Variants in BID observed in about 807,000 individuals in gnomAD.
The protein encoded by BID is BH3 interacting domain death agonist.
A neutral mutation model predicts 17.4 loss-of-function variants in BID; 19 were observed. The observed-to-expected ratio is 1.09, with a 90% CI of 0.76 to 1.60. The LOEUF is 1.60. Among genes scored for constraint, BID ranks in the 40% most tolerant of loss-of-function variants. BID has a pLI of 0.00. For missense variants in BID, 226 were observed against 256.0 expected (o/e 0.88, Z 0.80); for synonymous variants, 108 against 102.8 (o/e 1.05, Z -0.31).
Position 17,735,501 on chromosome 22 carries a change from G to A in BID, c.*79C>T. The A allele has an allele frequency of 6.4e-7, 1 of 1,552,922 alleles. No individual in the cohort carries two copies. Among genetic ancestry groups the A allele is most frequent in the South Asian group, 1.1e-5 (1 of 89,392 alleles). On this transcript the variant is annotated 3_prime_UTR_variant, in exon 6 of 6. Transcript: ENST00000622694. Reference sequence around the variant, plus strand: ...TCTAGGAACGCTGTTGACATGCCAGGGCTCCGTCTACACTGGAAGCAGCTA... The same window carrying A: ...TCTAGGAACGCTGTTGACATGCCAGAGCTCCGTCTACACTGGAAGCAGCTA...
chr22:17,755,347 T>C (rs1465774143), intron 1 of BID, among the ~76,000 whole-genome samples: 1 of 152,196 alleles, frequency 6.6e-6, no homozygotes, highest in Non-Finnish European at 1.5e-5. Flanking sequence ...CCCGGAAATG[T>C]GAACACACAT....
chr22:17,739,064 C>T (rs935803550), intron 4 of BID, among the ~76,000 whole-genome samples: 15 of 152,344 alleles, frequency 9.8e-5, no homozygotes, highest in African/African-American at 2.2e-4. Context: ...CCAAAGGAAG[C>T]GTCTGTTTCT....
intron 1 of BID, among the ~76,000 whole-genome samples, chr22:17,765,872 A>C (rs559629305): frequency 9.4e-4 from 143 of 152,348 alleles, no homozygotes; most frequent in African/African-American, 3.3e-3. Context: ...TTTAAAACCC[A>C]AATTATTAGT....
rs8190288 is a variant in BID at position 17,750,043 on chromosome 22, G to T, written c.12+62C>A. ...CTCAGGGATGCGTGGTGGGGGACAC[G>T]CAGGCCCTTACCCCTCGACCCCGCC... On this transcript the variant is annotated intron_variant, in intron 2 of 5. Transcript: ENST00000622694. 921 of 1,512,444 alleles carry T rather than the reference G, an allele frequency of 6.1e-4. 5 individuals carry two copies. In the African/African-American group the frequency reaches 0.011, roughly 18 times the overall value. The allele number at this position is 1,512,444 out of a possible 1,614,324, so 93.7% of individuals were successfully genotyped here. A position where few individuals can be genotyped will look rare whatever the true frequency, so the allele number is the denominator to read the frequency against.
chr22:17,765,969 C>T (rs1348390952), intron 1 of BID, among the ~76,000 whole-genome samples: 13 of 152,176 alleles, frequency 8.5e-5, no homozygotes, highest in African/African-American at 1.2e-4. Flanking sequence ...GGCTCTGTTC[C>T]GCAGGCCGGA....
chr22:17,751,304 G>A (rs1254493243), intron 1 of BID, among the ~76,000 whole-genome samples: 6 of 151,772 alleles, frequency 4.0e-5, no homozygotes, highest in Non-Finnish European at 5.9e-5. Flanking sequence ...CCCGGGAAGC[G>A]GAGCTTGCAG....
intron 3 of BID, 117 bp from the exon 4 acceptor site, chr22:17,739,605 C>A: frequency 7.4e-7 from 1 of 1,347,310 alleles, no homozygotes; most frequent in African/African-American, 1.4e-5. Flanking sequence ...AGGCCAGCCC[C>A]CACTGGGCAC....
chr22:17,742,355 T>G (rs548125503), intron 3 of BID, among the ~76,000 whole-genome samples: 1 of 152,344 alleles, frequency 6.6e-6, no homozygotes, highest in South Asian at 2.1e-4. Context: ...GAGCTGTGCC[T>G]GTCCACTCCT....
At position 17,767,461 on chromosome 22, in the gene BID, A is replaced by C. The variant is rs1390327822; in HGVS notation, c.-59+6920T>G. On this transcript the variant is annotated intron_variant, in intron 1 of 5. Transcript: ENST00000622694. The stretch of plus-strand genomic sequence containing the variant: ...ACAACTTCAGCCCCAGGGCAAGAGT[A>C]AACACAGAAACTGGAAAAGTCCCTG... 6.6e-5 allele frequency among the ~76,000 whole-genome samples: 10 copies of C among 152,346 alleles called. No homozygotes were observed. In the East Asian group the frequency reaches 1.9e-3, roughly 29 times the overall value.
chr22:17,773,495 A>G lies in BID; in HGVS notation c.-59+886T>C. ...GATAAGGCTCCAGGAAGGGGGTGCAAGCCTGAGAAGGTGGAAGAGCTCTGG... is the reference window on the plus strand; with the variant it reads ...GATAAGGCTCCAGGAAGGGGGTGCAGGCCTGAGAAGGTGGAAGAGCTCTGG... On this transcript the variant is annotated intron_variant, in intron 1 of 5. Transcript: ENST00000622694. The surrounding 1 kb of genome is among the most constrained non-coding windows in gnomAD (Gnocchi z 4.4). 9.2e-7 allele frequency: 1 copy of G among 1,081,098 alleles called. No individual in the cohort carries two copies. The highest frequency in any genetic ancestry group is 1.4e-6 in the Non-Finnish European group (1 of 724,452). The allele number at this position is 1,081,098 out of a possible 1,614,324, so 67.0% of individuals were successfully genotyped here.
At chr22:17,738,846 T>A (rs1386445605) in intron 4 of BID, among the ~76,000 whole-genome samples, 1 of 152,190 alleles carries the variant, frequency 6.6e-6, no homozygotes, top group Non-Finnish European at 1.5e-5. Flanking sequence ...GCTACAGGCC[T>A]GCATTTGGCA....
chr22:17,745,706 G>A (rs952523565), intron 2 of BID, among the ~76,000 whole-genome samples: 5 of 151,932 alleles, frequency 3.3e-5, no homozygotes, highest in Non-Finnish European at 5.9e-5. Flanking sequence ...GGTGGCTCAC[G>A]CCTGTAATCC....
Position 17,773,717 on chromosome 22 carries a change from C to A in BID, c.-59+664G>T. ...GTATTTGTTGAATGAATGAATGAAC[C>A]CTTGCCAGCCCAGCCACTTGGTGGC... On this transcript the variant is annotated intron_variant, in intron 1 of 5. Coordinates refer to ENST00000622694, the MANE Select transcript of BID (RefSeq NM_001196.4). This position sits in a 1 kb window ranked among gnomAD's most constrained non-coding sequence, Gnocchi z 4.4. 6.2e-7 allele frequency: 1 copy of A among 1,600,084 alleles called. No individual in the cohort carries two copies.
At chr22:17,750,264 G>T in intron 1 of BID, 90 bp from the exon 2 acceptor site, 1 of 1,147,648 alleles carries the variant, frequency 8.7e-7, no homozygotes, top group African/African-American at 1.5e-5. Flanking sequence ...CTGTGCTCCA[G>T]AAATGGCGGC....
At chr22:17,752,603 T>G (rs922714792) in intron 1 of BID, among the ~76,000 whole-genome samples, 1 of 152,220 alleles carries the variant, frequency 6.6e-6, no homozygotes, top group Non-Finnish European at 1.5e-5. Flanking sequence ...AACCCCAGTG[T>G]TGGGCATGTG....
intron 1 of BID, among the ~76,000 whole-genome samples, chr22:17,759,285 G>A (rs2061619080): frequency 6.6e-6 from 1 of 150,622 alleles, no homozygotes; most frequent in South Asian, 2.1e-4. Context: ...TGGGCTGGGT[G>A]CGGTGGCTCA....
intron 1 of BID, among the ~76,000 whole-genome samples, chr22:17,757,525 G>A (rs904702744): frequency 2.0e-5 from 3 of 151,376 alleles, no homozygotes; most frequent in Admixed American, 6.6e-5. Flanking sequence ...TGGCTAACAC[G>A]GTGAAACCCC....
Position 17,773,681 on chromosome 22 carries a change from G to A in BID, c.-59+700C>T, listed in dbSNP as rs749273698. ...ACCGAGCCATCATGACCCCAGCACC[G>A]CTGCACATTCGTATTTGTTGAATGA... On this transcript the variant is annotated intron_variant, in intron 1 of 5. Coordinates refer to ENST00000622694, the MANE Select transcript of BID (RefSeq NM_001196.4). The surrounding 1 kb of genome is among the most constrained non-coding windows in gnomAD (Gnocchi z 4.4). The A allele has an allele frequency of 3.1e-6, 5 of 1,610,158 alleles. No homozygotes were observed. Among genetic ancestry groups the A allele is most frequent in the Non-Finnish European group, 4.2e-6 (5 of 1,179,872 alleles).
intron 1 of BID, among the ~76,000 whole-genome samples, chr22:17,763,592 G>A (rs1041503703): frequency 2.6e-5 from 4 of 152,014 alleles, no homozygotes; most frequent in African/African-American, 7.3e-5. Flanking sequence ...ACAGAGAACC[G>A]CAGGCTGACA....
Sources: gnomAD v4.1 joint callset for allele counts (sites outside exome capture counted in the v4.1 genomes callset) on GRCh38, gnomAD v4.1.1 for gene constraint, Gnocchi (gnomAD v3.1) non-coding constraint, MANE v1.5 for transcripts, NCBI Gene and HGNC (gene_info 2026-07-23, HGNC 2026-07-21) for gene names.